Variants in SCAPER observed in about 807,000 individuals in gnomAD.
The protein encoded by SCAPER is S phase cyclin A-associated protein in the endoplasmic reticulum.
A neutral mutation model predicts 182.2 loss-of-function variants in SCAPER; 98 were observed. That is an observed-to-expected ratio of 0.54 (90% confidence interval 0.46 to 0.64). The LOEUF is 0.64. Ranked by LOEUF, SCAPER falls within the 30% of genes least tolerant of loss-of-function variation. The pLI is 0.00. For synonymous variants in SCAPER, 605 were observed against 564.6 expected (o/e 1.07, Z -1.01); for missense variants, 1,432 against 1,690.0 (o/e 0.85, Z 2.68).
At chr15:76,598,054 T>C (rs1812376347) in intron 22 of SCAPER, among the ~76,000 whole-genome samples, 1 of 119,430 alleles carries the variant, frequency 8.4e-6, no homozygotes, top group Admixed American at 9.6e-5. Flanking sequence ...TCTATCCATC[T>C]GACAAAGGGC....
At chr15:76,728,216 C>CAAAAAAAAAAA (rs746287649) in intron 17 of SCAPER, among the ~76,000 whole-genome samples, 1 of 115,080 alleles carries the variant, frequency 8.7e-6, no homozygotes. Flanking sequence ...CTATTTCCAT[C>CAAAAAAAAAAA]AAAAAAAAAA....
intron 23 of SCAPER, among the ~76,000 whole-genome samples, chr15:76,519,939 C>A (rs2042712703): frequency 6.6e-6 from 1 of 152,114 alleles, no homozygotes; most frequent in Non-Finnish European, 1.5e-5. Flanking sequence ...TAATAGTATA[C>A]CCTTAATGTT....
rs551294054 is a variant in SCAPER, at chr15:76,374,194, C to T, written c.3855+1968G>A. ...TACAAGGTCAGGAGTTTGAGACCAG[C>T]CTGGCCAAGATGGTGAAACCCTGTC... On this transcript the variant is annotated intron_variant, in intron 29 of 31. Coordinates refer to ENST00000563290, the MANE Select transcript of SCAPER (RefSeq NM_020843.4). 6.6e-5 allele frequency among the ~76,000 whole-genome samples: 10 copies of T among 152,036 alleles called. No homozygotes were observed. The South Asian group carries it at 1.9e-3, about 29-fold the overall frequency.
chr15:76,698,294 T>C (rs1193033452), intron 20 of SCAPER, among the ~76,000 whole-genome samples: 1 of 152,140 alleles, frequency 6.6e-6, no homozygotes, highest in Non-Finnish European at 1.5e-5. Flanking sequence ...GTATAAACTT[T>C]TCATTTTGAT....
chr15:76,396,312 T>C (rs982177906), intron 27 of SCAPER, among the ~76,000 whole-genome samples: 2 of 152,206 alleles, frequency 1.3e-5, no homozygotes, highest in African/African-American at 4.8e-5. Context: ...TCTGGGTCTT[T>C]TGTGATTCTA....
Position 76,713,607 on chromosome 15 carries a change from C to T in SCAPER, c.2166-7623G>A, listed in dbSNP as rs1185582700. Among the ~76,000 whole-genome samples the T allele has an allele frequency of 2.6e-5, 4 of 151,148 alleles. No homozygotes were observed. In the East Asian group the frequency reaches 7.8e-4, roughly 30 times the overall value. On this transcript the variant is annotated intron_variant, in intron 17 of 31. Coordinates refer to ENST00000563290, the MANE Select transcript of SCAPER (RefSeq NM_020843.4). The stretch of plus-strand genomic sequence containing the variant: ...GAACACATGGACACAGGAAGGGGAA[C>T]ATCACACTCTGGGGACTGTTGTGGG...
At chr15:76,401,115 A>C (rs1298858910) in intron 27 of SCAPER, among the ~76,000 whole-genome samples, 1 of 152,034 alleles carries the variant, frequency 6.6e-6, no homozygotes, top group Non-Finnish European at 1.5e-5. Context: ...AAGTTTACAC[A>C]TATATGTATA....
chr15:76,583,683 T>C (rs774776129), intron 22 of SCAPER, among the ~76,000 whole-genome samples: 16 of 152,316 alleles, frequency 1.1e-4, no homozygotes, highest in South Asian at 2.1e-4. Flanking sequence ...CTCAACATCA[T>C]TGATAACAGA....
intron 25 of SCAPER, among the ~76,000 whole-genome samples, chr15:76,466,204 A>G (rs1365402329): frequency 6.6e-6 from 1 of 151,722 alleles, no homozygotes; most frequent in Non-Finnish European, 1.5e-5. Flanking sequence ...TAATGTGTAT[A>G]ATGGGTTGGC....
At chr15:76,403,589 A>G (rs372731714) in intron 27 of SCAPER, among the ~76,000 whole-genome samples, 14 of 152,224 alleles carry the variant, frequency 9.2e-5, no homozygotes, top group Non-Finnish European at 1.6e-4. Flanking sequence ...TATTCTGTGA[A>G]CACTGAATAT....
At chr15:76,562,858 A>G (rs2046748114) in intron 23 of SCAPER, among the ~76,000 whole-genome samples, 1 of 152,224 alleles carries the variant, frequency 6.6e-6, no homozygotes, top group Non-Finnish European at 1.5e-5. Context: ...TGGAATGGAT[A>G]AATACCACTG....
chr15:76,466,632 C>T (rs2049678210), intron 25 of SCAPER, among the ~76,000 whole-genome samples: 1 of 151,238 alleles, frequency 6.6e-6, no homozygotes. Flanking sequence ...TCTTCTACGT[C>T]TCGAAAGCTT....
intron 20 of SCAPER, among the ~76,000 whole-genome samples, chr15:76,695,871 G>A (rs1221952798): frequency 6.6e-6 from 1 of 152,002 alleles, no homozygotes; most frequent in African/African-American, 2.4e-5. Context: ...TACTATTAAG[G>A]AGAAAATCAA....
Position 76,358,417 on chromosome 15 carries a change from T to C in SCAPER, c.3856-4277A>G, listed in dbSNP as rs192675510. ...TAGTTGGCTTGGGCTGCCATAACAATATACCATAGACTGGGCCACTTAAAC... is the reference window on the plus strand; with the variant it reads ...TAGTTGGCTTGGGCTGCCATAACAACATACCATAGACTGGGCCACTTAAAC... On this transcript the variant is annotated intron_variant, in intron 29 of 31. Transcript: ENST00000563290. Among the ~76,000 whole-genome samples the C allele has an allele frequency of 2.0e-3, 300 of 152,352 alleles. 2 individuals carry two copies. The highest frequency in any genetic ancestry group is 5.6e-4 in the Non-Finnish European group (38 of 68,038).
chr15:76,664,203 T>C (rs1447551218), intron 21 of SCAPER, among the ~76,000 whole-genome samples: 1 of 152,132 alleles, frequency 6.6e-6, no homozygotes, highest in Non-Finnish European at 1.5e-5. Context: ...GTGGCTGCAG[T>C]GTTTAGAATA....
At chr15:76,649,643 C>T (rs925891141) in intron 21 of SCAPER, among the ~76,000 whole-genome samples, 1 of 145,444 alleles carries the variant, frequency 6.9e-6, no homozygotes. Flanking sequence ...ACATCAGATA[C>T]AGTAAAAAAG....
chr15:76,604,137 C>A (rs1355421454), intron 22 of SCAPER, among the ~76,000 whole-genome samples: 14 of 120,314 alleles, frequency 1.2e-4, no homozygotes, highest in African/African-American at 3.3e-4. Context: ...AGGTTTTCTT[C>A]TAGGGTTTTT....
At chr15:76,618,211 G>A (rs2051677713) in intron 22 of SCAPER, among the ~76,000 whole-genome samples, 1 of 152,166 alleles carries the variant, frequency 6.6e-6, no homozygotes, top group Admixed American at 6.5e-5. Context: ...AGTGAGTCGA[G>A]ATCACGCCAC....
At chr15:76,446,103 G>A (rs1272680007) in intron 25 of SCAPER, among the ~76,000 whole-genome samples, 3 of 152,036 alleles carry the variant, frequency 2.0e-5, no homozygotes, top group Admixed American at 6.6e-5. Context: ...TCACTTAATC[G>A]ACACAACACT....
Sources: gnomAD v4.1 joint callset for allele counts (sites outside exome capture counted in the v4.1 genomes callset) on GRCh38, gnomAD v4.1.1 for gene constraint, MANE v1.5 for transcripts, NCBI Gene and HGNC (gene_info 2026-07-23, HGNC 2026-07-21) for gene names.